Variants in GRIP1 observed in about 807,000 individuals in gnomAD.
GRIP1 encodes the protein glutamate receptor interacting protein 1.
Under a neutral mutation model 129.9 loss-of-function variants are expected in GRIP1, and 45 were observed. The ratio of observed to expected loss-of-function variants is 0.35; its 90% confidence interval spans 0.27 to 0.44. The LOEUF (loss-of-function observed/expected upper bound fraction) is 0.44, where lower values mean the gene tolerates loss of function less well. GRIP1 is among the 20% of genes least tolerant of loss of function. The pLI, the probability that GRIP1 is intolerant of heterozygous loss-of-function variation, is 1.00. For missense variants in GRIP1, 1,196 were observed against 1,396.8 expected (o/e 0.86, Z 2.29); for synonymous variants, 530 against 520.8 (o/e 1.02, Z -0.24).
chr12:66,469,935 G>A (rs749786013), intron 7 of GRIP1, among the ~76,000 whole-genome samples: 15 of 152,106 alleles, frequency 9.9e-5, no homozygotes, highest in African/African-American at 1.4e-4. Flanking sequence ...ATGGGTTCAC[G>A]CTGCCCTCCA....
intron 7 of GRIP1, among the ~76,000 whole-genome samples, chr12:66,468,463 C>T (rs113533070): frequency 2.2e-4 from 34 of 152,284 alleles, no homozygotes; most frequent in African/African-American, 4.8e-4. Flanking sequence ...GAGAGGACTG[C>T]GCCAATGTAT....
intron 1 of GRIP1, among the ~76,000 whole-genome samples, chr12:67,020,861 A>C (rs907074577): frequency 3.9e-5 from 6 of 152,134 alleles, no homozygotes; most frequent in African/African-American, 1.4e-4. Flanking sequence ...GTACTTTGGG[A>C]AACCAAGGTG....
intron 19 of GRIP1, among the ~76,000 whole-genome samples, chr12:66,381,734 A>G (rs993381229): frequency 6.6e-6 from 1 of 152,228 alleles, no homozygotes; most frequent in Non-Finnish European, 1.5e-5. Context: ...GTGCACCACC[A>G]TCAGTAGGAA....
chr12:66,571,606 T>C (rs1295852998), intron 2 of GRIP1, among the ~76,000 whole-genome samples: 2 of 152,166 alleles, frequency 1.3e-5, no homozygotes, highest in African/African-American at 2.4e-5. Context: ...CAATGCCCTA[T>C]TGATGCCTTT....
At chr12:66,760,613 G>C (rs2037444446) in intron 1 of GRIP1, among the ~76,000 whole-genome samples, 1 of 152,114 alleles carries the variant, frequency 6.6e-6, no homozygotes, top group Non-Finnish European at 1.5e-5. Context: ...CCTTCCTGTG[G>C]GTTCCTCCCA....
Position 66,785,311 on chromosome 12 carries a change from C to T in GRIP1, c.-420+18742G>A, listed in dbSNP as rs866438192. On this transcript the variant is annotated intron_variant, in intron 1 of 4. Transcript: ENST00000538373. ...CTGACTCTTCCAAGAATTTAACATACATACATACATACATACATACATACA... is the reference window on the plus strand; with the variant it reads ...CTGACTCTTCCAAGAATTTAACATATATACATACATACATACATACATACA... 2.4e-3 allele frequency among the ~76,000 whole-genome samples: 107 copies of T among 45,462 alleles called. 2 individuals are homozygous for T. The highest frequency in any genetic ancestry group is 6.5e-3 in the African/African-American group (93 of 14,400). The allele number at this position is 45,462 out of a possible 152,430, so 29.8% of individuals were successfully genotyped here. A position where few individuals can be genotyped will look rare whatever the true frequency, so the allele number is the denominator to read the frequency against.
At position 66,618,397 on chromosome 12, in the gene GRIP1, T is replaced by C. The variant is rs555615510; in HGVS notation, c.56-21470A>G. Among the ~76,000 whole-genome samples, 5 of 152,278 alleles carry C rather than the reference T, an allele frequency of 3.3e-5. No homozygotes were observed. In the East Asian group the frequency reaches 9.6e-4, roughly 29 times the overall value. On this transcript the variant is annotated intron_variant, in intron 1 of 24. Coordinates refer to ENST00000359742, the MANE Select transcript of GRIP1 (RefSeq NM_001366722.1). Reference sequence around the variant, plus strand: ...ACCAATAAAAGTGGTTTTCATTTTGTGTACGAAGTAGAAACTGGCTGGTGG... The same window carrying C: ...ACCAATAAAAGTGGTTTTCATTTTGCGTACGAAGTAGAAACTGGCTGGTGG...
chr12:66,651,284 A>C (rs754313765), intron 1 of GRIP1, among the ~76,000 whole-genome samples: 1 of 152,184 alleles, frequency 6.6e-6, no homozygotes, highest in Non-Finnish European at 1.5e-5. Context: ...GATTACCCTA[A>C]AGCAGGATCA....
chr12:67,005,649 G>A lies in GRIP1; in HGVS notation c.58+63401C>T, dbSNP rs549519514. Among the ~76,000 whole-genome samples the A allele has an allele frequency of 9.8e-5, 15 of 152,324 alleles. No individual in the cohort carries two copies. The South Asian group carries it at 1.2e-3, about 13-fold the overall frequency. On this transcript the variant is annotated intron_variant, in intron 1 of 1. Coordinates refer to the GRIP1 transcript ENST00000643019. ...CCACTGCTGTGTGATTGCACTTGTCGTTGCTGAGTGCCCACTGAGTGCCAG... is the reference window on the plus strand; with the variant it reads ...CCACTGCTGTGTGATTGCACTTGTCATTGCTGAGTGCCCACTGAGTGCCAG...
At position 66,675,882 on chromosome 12, in the gene GRIP1, T is replaced by C. The variant is rs188031448; in HGVS notation, c.55+2968A>G. On this transcript the variant is annotated intron_variant, in intron 1 of 24. Coordinates refer to ENST00000359742, the MANE Select transcript of GRIP1 (RefSeq NM_001366722.1). ...GGTAAAGGTTATTTTCTTGCTCTTG[T>C]TCTACATTGGTAGGTACCTGATAAG... 1.2e-4 allele frequency among the ~76,000 whole-genome samples: 18 copies of C among 152,324 alleles called. 1 individual carries two copies. Among genetic ancestry groups the C allele is most frequent in the Admixed American group, 1.0e-3 (16 of 15,296 alleles).
chr12:66,722,876 C>A (rs955518744), intron 1 of GRIP1, among the ~76,000 whole-genome samples: 6 of 152,134 alleles, frequency 3.9e-5, no homozygotes, highest in African/African-American at 1.2e-4. Context: ...AGTCACGTTA[C>A]TTGAAAGTAC....
chr12:66,877,831 T>TA (rs1230342056), intron 1 of GRIP1, among the ~76,000 whole-genome samples: 1 of 151,844 alleles, frequency 6.6e-6, no homozygotes, highest in Non-Finnish European at 1.5e-5. Flanking sequence ...AAAATAAAAT[T>TA]AAAAAATGAG....
chr12:66,661,976 G>A (rs1292830668), intron 1 of GRIP1, among the ~76,000 whole-genome samples: 3 of 152,158 alleles, frequency 2.0e-5, no homozygotes, highest in Admixed American at 1.3e-4. Flanking sequence ...CTTCTCATAC[G>A]TAACACTGTA....
intron 1 of GRIP1, among the ~76,000 whole-genome samples, chr12:66,871,436 CTTA>C (rs923019406): frequency 1.3e-5 from 2 of 152,086 alleles, no homozygotes; most frequent in African/African-American, 4.8e-5. Flanking sequence ...AGTACTGCAA[CTTA>C]TTAGTTTTAT....
Position 66,701,919 on chromosome 12 carries a change from A to G in GRIP1, c.-419-71583T>C, listed in dbSNP as rs1225210115. On this transcript the variant is annotated intron_variant, in intron 1 of 4. Transcript: ENST00000538373. ...AATTGGTCCTCACTCTCTTTTTAGA[A>G]CTCTAACTGTACAAGCAGTTGAAAG... 3.3e-5 allele frequency among the ~76,000 whole-genome samples: 5 copies of G among 152,130 alleles called. No homozygotes were observed. The South Asian group carries it at 6.2e-4, about 19-fold the overall frequency.
chr12:66,417,560 A>G (rs1014268260), intron 15 of GRIP1, among the ~76,000 whole-genome samples: 1 of 152,216 alleles, frequency 6.6e-6, no homozygotes, highest in East Asian at 1.9e-4. Context: ...TCCACAAAAA[A>G]CAATTAGAGC....
At chr12:66,562,507 G>A (rs2062572111) in intron 2 of GRIP1, among the ~76,000 whole-genome samples, 1 of 152,162 alleles carries the variant, frequency 6.6e-6, no homozygotes, top group East Asian at 1.9e-4. Flanking sequence ...CTATAATCTA[G>A]GCTTATATAC....
At chr12:66,830,034 T>C (rs2039488972) in intron 1 of GRIP1, among the ~76,000 whole-genome samples, 1 of 152,198 alleles carries the variant, frequency 6.6e-6, no homozygotes, top group South Asian at 2.1e-4. Flanking sequence ...CAGGCTAGAA[T>C]ACAGCCAGGT....
At chr12:66,964,070 C>T (rs1181711971) in intron 1 of GRIP1, among the ~76,000 whole-genome samples, 1 of 152,144 alleles carries the variant, frequency 6.6e-6, no homozygotes, top group Non-Finnish European at 1.5e-5. Flanking sequence ...TACACCTCCA[C>T]CGTCAACTTC....
Sources: gnomAD v4.1 joint callset for allele counts (sites outside exome capture counted in the v4.1 genomes callset) on GRCh38, gnomAD v4.1.1 for gene constraint, MANE v1.5 for transcripts, NCBI Gene and HGNC (gene_info 2026-07-23, HGNC 2026-07-21) for gene names.